DST: variants seen among roughly 807,000 people sequenced by gnomAD.
DST encodes the protein bullous pemphigoid antigen.
A neutral mutation model predicts 875.2 loss-of-function variants in DST; 253 were observed. That is an observed-to-expected ratio of 0.29 (90% CI 0.26 to 0.32). The LOEUF is 0.32. DST is among the 10% of genes least tolerant of loss of function. The probability of loss-of-function intolerance (pLI) is 1.00; values close to 1 mark genes in which losing one functional copy is unlikely to be tolerated. For missense variants in DST, 8,287 were observed against 9,111.6 expected, an observed-to-expected ratio of 0.91 and a Z score of 3.68; for synonymous variants, 3,124 against 3,197.1, an observed-to-expected ratio of 0.98 and a Z score of 0.77.
Position 56,896,065 on chromosome 6 carries a change from CGGGAGAGGGA to C in DST, c.417+4346_417+4355del, listed in dbSNP as rs1791084202. Among the ~76,000 whole-genome samples the C allele has an allele frequency of 7.6e-5, 2 of 26,320 alleles. 1 individual carries two copies. The highest frequency in any genetic ancestry group is 1.5e-3 in the East Asian group (2 of 1,354). The allele number at this position is 26,320 out of a possible 152,430, so 17.3% of individuals were successfully genotyped here. A position where few individuals can be genotyped will look rare whatever the true frequency, so the allele number is the denominator to read the frequency against. On this transcript the variant is annotated intron_variant, in intron 3 of 103. Transcript: ENST00000680361. The stretch of plus-strand genomic sequence containing the variant: ...GGGAGACGGGAGAGGGAGAGGGAGA[CGGGAGAGGGA>C]GAGGGAGACGGGAGAGGGAGAGGGA...
intron 9 of DST, among the ~76,000 whole-genome samples, chr6:56,681,262 C>T (rs146913050): frequency 1.3e-5 from 2 of 152,276 alleles, no homozygotes; most frequent in East Asian, 3.9e-4. Flanking sequence ...TTTTCAACCT[C>T]TGTGCCCACA....
intron 4 of DST, among the ~76,000 whole-genome samples, chr6:56,795,880 G>T (rs757805329): frequency 6.6e-6 from 1 of 152,178 alleles, no homozygotes; most frequent in Non-Finnish European, 1.5e-5. Flanking sequence ...CCAATTAAGT[G>T]CAAGAGCACC....
intron 48 of DST, among the ~76,000 whole-genome samples, chr6:56,593,378 G>T (rs1293317022): frequency 6.6e-6 from 1 of 151,766 alleles, no homozygotes; most frequent in Non-Finnish European, 1.5e-5. Context: ...TTAGACGGGC[G>T]TGGGGGTACA....
chr6:56,526,519 T>A lies in DST; in HGVS notation c.17971A>T (p.Asn5991Tyr). The change falls in exon 69 of 104, where the codon AAT becomes TAT. Residue 5991 changes from asparagine to tyrosine, a missense_variant. Physicochemically the swap from Asn to Tyr is moderately radical, Grantham distance 143. Coordinates refer to ENST00000680361, the MANE Select transcript of DST (RefSeq NM_001374736.1). ...TCCAGCAAAGCACTGCTCACTTCATTAAGGGAGTCCAGTAAGGCTTTGTTG... is the reference window on the plus strand; with the variant it reads ...TCCAGCAAAGCACTGCTCACTTCATAAAGGGAGTCCAGTAAGGCTTTGTTG... ...KNNKALLDSL[N>Y]EVSSALLELV... The A allele has an allele frequency of 6.2e-7, 1 of 1,613,784 alleles. No individual in the cohort carries two copies. Among genetic ancestry groups the A allele is most frequent in the East Asian group, 2.2e-5 (1 of 44,880 alleles).
chr6:56,552,418 G>C lies in DST; in HGVS notation c.16374C>G (p.Asp5458Glu). The C allele has an allele frequency of 6.2e-7, 1 of 1,613,978 alleles. No homozygotes were observed. Among genetic ancestry groups the C allele is most frequent in the Non-Finnish European group, 8.5e-7 (1 of 1,179,888 alleles). Reference protein sequence around the residue: ...MMLATEETSPDLVGIKRDLEA... With the variant: ...MMLATEETSPELVGIKRDLEA... ...CCAAGTCCCTTTTGATTCCAACAAG[G>C]TCAGGAGAGGTTTCTTCTGTGGCTA... The change falls in exon 61 of 104, where the codon GAC (aspartate) becomes GAG (glutamate). Residue 5458 changes from aspartate to glutamate, a missense_variant. Around this residue, in one of 10 missense-constraint regions of DST, gnomAD observed 777 missense variants for 764.8 expected, o/e 1.02. Coordinates refer to ENST00000680361, the MANE Select transcript of DST (RefSeq NM_001374736.1).
intron 4 of DST, among the ~76,000 whole-genome samples, chr6:56,824,868 G>C (rs1237549343): frequency 6.6e-6 from 1 of 151,832 alleles, no homozygotes. Context: ...CCGTCCGGGA[G>C]GGAGGTGGGG....
chr6:56,551,319 G>A (rs1003186368), intron 61 of DST, among the ~76,000 whole-genome samples: 2 of 152,018 alleles, frequency 1.3e-5, no homozygotes, highest in Non-Finnish European at 2.9e-5. Context: ...TGCACTAATG[G>A]TGCAATATAT....
At chr6:56,502,754 G>A (rs1221096934) in intron 78 of DST, among the ~76,000 whole-genome samples, 1 of 152,096 alleles carries the variant, frequency 6.6e-6, no homozygotes, top group African/African-American at 2.4e-5. Flanking sequence ...TAGTGGTAAG[G>A]ATAAAATTCT....
intron 15 of DST, among the ~76,000 whole-genome samples, 184 bp downstream of exon 15, chr6:56,645,682 T>C (rs2098938167): frequency 6.6e-6 from 1 of 152,202 alleles, no homozygotes; most frequent in Non-Finnish European, 1.5e-5. Context: ...TTTATATACA[T>C]TACTTCACTG....
At chr6:56,688,796 A>G (rs922973232) in intron 9 of DST, among the ~76,000 whole-genome samples, 2 of 152,202 alleles carry the variant, frequency 1.3e-5, no homozygotes, top group African/African-American at 4.8e-5. Flanking sequence ...TGCACAAGGA[A>G]AAGAGCTACG....
chr6:56,682,511 T>C (rs913760868), intron 9 of DST, among the ~76,000 whole-genome samples: 3 of 152,152 alleles, frequency 2.0e-5, no homozygotes, highest in African/African-American at 7.2e-5. Context: ...ACACTGATAC[T>C]TTACCCCATG....
At chr6:56,702,982 T>C (rs1448219334) in intron 7 of DST, among the ~76,000 whole-genome samples, 1 of 152,050 alleles carries the variant, frequency 6.6e-6, no homozygotes, top group Non-Finnish European at 1.5e-5. Context: ...AAAAGCACAA[T>C]TTCCAGTAAA....
At chr6:56,525,899 C>G (rs1380512556) in intron 69 of DST, among the ~76,000 whole-genome samples, 2 of 152,122 alleles carry the variant, frequency 1.3e-5, no homozygotes, top group African/African-American at 2.4e-5. Flanking sequence ...AAAAAAACTT[C>G]ACATTACCAA....
intron 4 of DST, among the ~76,000 whole-genome samples, chr6:56,779,248 A>G (rs1445247483): frequency 6.6e-6 from 1 of 151,894 alleles, no homozygotes; most frequent in Non-Finnish European, 1.5e-5. Context: ...TTTTTCCTGT[A>G]AATTTGCTGG....
rs1335219101 is a variant in DST, at chr6:56,942,589, CCATTACTCCCCTGCCATTCTTTA to C, written c.216+11173_216+11195del. On this transcript the variant is annotated intron_variant, in intron 2 of 103. Transcript: ENST00000680361. ...GAAACTTTGCAAATGTATAGGAATT[CCATTACTCCCCTGCCATTCTTTA>C]CACTAAAGGTGTCAAACATCTATAT... Among the ~76,000 whole-genome samples the C allele has an allele frequency of 1.1e-4, 16 of 151,762 alleles. No individual in the cohort carries two copies. The East Asian group carries it at 3.1e-3, about 29-fold the overall frequency.
At chr6:56,780,986 C>G (rs908896889) in intron 4 of DST, among the ~76,000 whole-genome samples, 10 of 152,142 alleles carry the variant, frequency 6.6e-5, no homozygotes, top group Admixed American at 3.3e-4. Flanking sequence ...ATAGGGAATC[C>G]TTTCCCCATT....
At chr6:56,576,640 G>A (rs546630829) in intron 50 of DST, among the ~76,000 whole-genome samples, 2 of 152,158 alleles carry the variant, frequency 1.3e-5, no homozygotes, top group African/African-American at 4.8e-5. Context: ...TGGTGTATGA[G>A]AGTGAGTAGC....
At chr6:56,888,063 G>T (rs1241827526) in intron 3 of DST, among the ~76,000 whole-genome samples, 4 of 150,590 alleles carry the variant, frequency 2.7e-5, no homozygotes, top group African/African-American at 9.8e-5. Flanking sequence ...CGATTCTCCT[G>T]CCTCAGCCTC....
intron 2 of DST, among the ~76,000 whole-genome samples, chr6:56,940,894 T>C (rs1001751121): frequency 3.3e-5 from 5 of 152,128 alleles, no homozygotes; most frequent in Admixed American, 3.3e-4. Context: ...CCAGTTTTCT[T>C]ACCCTTCTAA....
Sources: allele counts gnomAD v4.1 joint callset (sites outside exome capture counted in the v4.1 genomes callset), GRCh38; gene constraint gnomAD v4.1.1; regional missense constraint gnomAD v4.1.1; transcripts MANE v1.5; gene names NCBI Gene and HGNC (gene_info 2026-07-23, HGNC 2026-07-21).